Variants in PLA2R1 observed in about 807,000 individuals in gnomAD.
PLA2R1 encodes phospholipase A2 receptor 1, also known as secretory phospholipase A2 receptor.
A neutral mutation model predicts 195.9 loss-of-function variants in PLA2R1; 158 were observed. That is an observed-to-expected ratio of 0.81 (90% confidence interval 0.71 to 0.92). The LOEUF (loss-of-function observed/expected upper bound fraction) is 0.92, where lower values mean the gene tolerates loss of function less well. Among genes scored for constraint, PLA2R1 ranks in the 40% least tolerant of loss-of-function variants. PLA2R1 has a pLI of 0.00. For missense variants in PLA2R1, 1,626 were observed against 1,764.6 expected (o/e 0.92, Z 1.41); for synonymous variants, 586 against 598.2 (o/e 0.98, Z 0.30).
At chr2:159,950,549 T>C (rs1464824743) in intron 24 of PLA2R1, among the ~76,000 whole-genome samples, 3 of 152,254 alleles carry the variant, frequency 2.0e-5, no homozygotes, top group Admixed American at 2.0e-4. Context: ...AGTTGTGGTA[T>C]ATCCTTACAT....
chr2:159,985,167 A>C (rs557157014), intron 12 of PLA2R1, among the ~76,000 whole-genome samples: 11 of 152,312 alleles, frequency 7.2e-5, no homozygotes, highest in Non-Finnish European at 8.8e-5. Context: ...AAATCACTAC[A>C]TTTCACAGGC....
intron 25 of PLA2R1, among the ~76,000 whole-genome samples, chr2:159,949,200 T>G (rs560184514): frequency 1.3e-5 from 2 of 152,196 alleles, no homozygotes; most frequent in South Asian, 2.1e-4. Flanking sequence ...CTAACCTGCA[T>G]TCAGGCAAAT....
At chr2:160,029,187 G>T (rs1693702355) in intron 4 of PLA2R1, among the ~76,000 whole-genome samples, 1 of 152,178 alleles carries the variant, frequency 6.6e-6, no homozygotes, top group South Asian at 2.1e-4. Context: ...CTTCATGCAA[G>T]TACCCAGAAA....
Position 159,941,716 on chromosome 2 carries a change from T to G in PLA2R1, c.*62A>C. 13 of 839,550 alleles carry G rather than the reference T, an allele frequency of 1.5e-5. No homozygotes were observed. Among genetic ancestry groups the G allele is most frequent in the East Asian group, 2.5e-5 (1 of 39,500 alleles). The allele number at this position is 839,550 out of a possible 1,614,324, so 52.0% of individuals were successfully genotyped here. On this transcript the variant is annotated 3_prime_UTR_variant, in exon 30 of 30. Coordinates refer to ENST00000283243, the MANE Select transcript of PLA2R1 (RefSeq NM_007366.5). The stretch of plus-strand genomic sequence containing the variant: ...TCTGTGCTGTAAAGGGAAAGACAGA[T>G]GAGACTCCTGTTTAGTCTTCTTTAC...
chr2:159,958,999 A>G (rs1401818214), intron 20 of PLA2R1, among the ~76,000 whole-genome samples: 1 of 152,228 alleles, frequency 6.6e-6, no homozygotes, highest in Non-Finnish European at 1.5e-5. Context: ...AACTAGCTTG[A>G]GGTTGAGTTG....
At position 159,987,073 on chromosome 2, in the gene PLA2R1, C is replaced by T. The variant is rs930841183; in HGVS notation, c.2037+83G>A. 38 of 1,115,742 alleles carry T rather than the reference C, an allele frequency of 3.4e-5. 1 individual carries two copies. The highest frequency in any genetic ancestry group is 9.4e-5 in the Admixed American group (5 of 53,212). 69.1% of individuals were successfully genotyped at this position (1,115,742 alleles called of 1,614,324 possible). Reference sequence around the variant, plus strand: ...ACTGTTCTGGAAAAAAAAAGGGCCCCGGAATAAAGGAATTTGGGATACATG... The same window carrying T: ...ACTGTTCTGGAAAAAAAAAGGGCCCTGGAATAAAGGAATTTGGGATACATG... On this transcript the variant is annotated intron_variant, in intron 12 of 29. Transcript: ENST00000283243.
intron 6 of PLA2R1, among the ~76,000 whole-genome samples, chr2:160,024,565 G>A (rs746294449): frequency 6.6e-6 from 1 of 152,130 alleles, no homozygotes; most frequent in African/African-American, 2.4e-5. Context: ...AAATCCAGGG[G>A]AAACAGTGCT....
At position 159,995,832 on chromosome 2, in the gene PLA2R1, C is replaced by T. The variant is rs148418216; in HGVS notation, c.1835-8474G>A. 1.2e-3 allele frequency among the ~76,000 whole-genome samples: 177 copies of T among 152,148 alleles called. 1 individual carries two copies. In the Middle Eastern group the frequency reaches 0.054, roughly 47 times the overall value. On this transcript the variant is annotated intron_variant, in intron 11 of 29. Transcript: ENST00000283243. ...AGAGAGTTCCCCTCTAACACCACTG[C>T]CCTCCAATCTCCTTCACTATAGACA...
At chr2:159,973,252 C>A (rs557815922) in intron 17 of PLA2R1, among the ~76,000 whole-genome samples, 5 of 152,130 alleles carry the variant, frequency 3.3e-5, no homozygotes, top group Non-Finnish European at 7.4e-5. Flanking sequence ...ACCACTATCA[C>A]CACCACCAAC....
rs766150509 is a variant in PLA2R1, at chr2:159,941,834, T to C, written c.4336A>G (p.Thr1446Ala). 35 of 1,612,554 alleles carry C rather than the reference T, an allele frequency of 2.2e-5. No individual in the cohort carries two copies. The highest frequency in any genetic ancestry group is 2.7e-5 in the Non-Finnish European group (32 of 1,178,626). The change falls in exon 30 of 30, where the codon ACA becomes GCA. Residue 1446 changes from threonine to alanine, a missense_variant. Physicochemically the swap from Thr to Ala is moderately conservative, Grantham distance 58. Transcript: ENST00000283243. ...AGAATATTTTCTTCTAAATATACTG[T>C]ACTAAAGTTGGTTGCAGGATAGTAA... is the stretch of plus-strand genomic sequence containing the variant. ...NPYYPATNFS[T>A]VYLEENILIS... is the part of the protein sequence containing the mutation.
intron 1 of PLA2R1, among the ~76,000 whole-genome samples, chr2:160,058,892 T>G (rs1345019080): frequency 1.3e-5 from 2 of 152,182 alleles, no homozygotes; most frequent in Non-Finnish European, 2.9e-5. Context: ...ACATTTATTG[T>G]GCACTTTACT....
At chr2:160,007,011 C>T (rs1692028718) in intron 10 of PLA2R1, among the ~76,000 whole-genome samples, 2 of 152,138 alleles carry the variant, frequency 1.3e-5, no homozygotes, top group Non-Finnish European at 2.9e-5. Context: ...CTCATCTTTG[C>T]AGGGGATATG....
the PLA2R1 span, among the ~76,000 whole-genome samples, chr2:159,923,978 A>G: frequency 1.3e-5 from 2 of 152,156 alleles, no homozygotes; most frequent in Non-Finnish European, 2.9e-5. Context: ...TCTGGAGGTC[A>G]GAAGTCCAAA....
intron 9 of PLA2R1, 144 bp downstream of exon 9, chr2:160,016,469 GA>G (rs1324420039): frequency 4.3e-5 from 24 of 557,776 alleles, no homozygotes; most frequent in African/African-American, 1.5e-4. Flanking sequence ...GGAAAGGAAA[GA>G]AGGGGGGGGT....
At position 160,062,580 on chromosome 2, in the gene PLA2R1, C is replaced by T. The variant is rs1031710169; in HGVS notation, c.-177G>A. 1.1e-5 allele frequency: 13 copies of T among 1,140,678 alleles called. No homozygotes were observed. The African/African-American group carries it at 1.8e-4, about 16-fold the overall frequency. 70.7% of individuals were successfully genotyped at this position (1,140,678 alleles called of 1,614,324 possible). ...AGAGCCCTGGAGACCCACTCCGCCA[C>T]CGCTGTCTCCACAGTGAACCGACAC... On this transcript the variant is annotated 5_prime_UTR_variant, in exon 1 of 30. In the 5' UTR this introduces an upstream ATG that the reference lacks. Transcript: ENST00000283243.
At position 160,013,167 on chromosome 2, in the gene PLA2R1, T is replaced by A. The variant is rs111723586; in HGVS notation, c.1664+96A>T. Reference sequence around the variant, plus strand: ...TAGTACTTTGATGTATAGCACAATTTAGATTTTGAACAGTTATGATTGTAG... The same window carrying A: ...TAGTACTTTGATGTATAGCACAATTAAGATTTTGAACAGTTATGATTGTAG... On this transcript the variant is annotated intron_variant, in intron 10 of 29. Transcript: ENST00000283243. 27 of 557,956 alleles carry A rather than the reference T, an allele frequency of 4.8e-5. 1 individual carries two copies. Among genetic ancestry groups the A allele is most frequent in the African/African-American group, 2.3e-4 (12 of 52,818 alleles). The allele number at this position is 557,956 out of a possible 1,614,324, so 34.6% of individuals were successfully genotyped here.
Position 159,987,324 on chromosome 2 carries a change from C to T in PLA2R1, c.1869G>A (p.Arg623=), listed in dbSNP as rs543853236. Residue 623 remains arginine (R), a synonymous_variant, in exon 12 of 30, where the codon AGG becomes AGA. Transcript: ENST00000283243. ...TCACTTCCCAGCGACCAAGTGGATG[C>T]CTTCCTCGCATGGCAACACAGCCAC... ...YSGGCVAMRG[R]HPLGRWEVKH... is the part of the protein sequence containing the mutation. 3.1e-6 allele frequency: 5 copies of T among 1,611,998 alleles called. No individual in the cohort carries two copies. Among genetic ancestry groups the T allele is most frequent in the African/African-American group, 2.7e-5 (2 of 74,980 alleles).
intron 1 of PLA2R1, among the ~76,000 whole-genome samples, chr2:160,056,843 C>G (rs1031545611): frequency 6.6e-6 from 1 of 152,140 alleles, no homozygotes; most frequent in East Asian, 1.9e-4. Flanking sequence ...TCAGCAGTAC[C>G]CAATTCACTC....
intron 20 of PLA2R1, among the ~76,000 whole-genome samples, chr2:159,965,374 T>A (rs1688719414): frequency 6.6e-6 from 1 of 152,212 alleles, no homozygotes; most frequent in South Asian, 2.1e-4. Context: ...TTTTCCAGAA[T>A]GTCATATAGT....
Sources: gnomAD v4.1 joint callset for allele counts (sites outside exome capture counted in the v4.1 genomes callset) on GRCh38, gnomAD v4.1.1 for gene constraint, MANE v1.5 for transcripts, NCBI Gene and HGNC (gene_info 2026-07-23, HGNC 2026-07-21) for gene names.